ADAMTS6: variants seen among roughly 807,000 people sequenced by gnomAD.
ADAMTS6 encodes the protein ADAM metallopeptidase with thrombospondin type 1 motif 6.
ADAMTS6 carries 23 observed loss-of-function variants against 144.3 expected under a neutral mutation model. That is an observed-to-expected ratio of 0.16 (90% CI 0.11 to 0.23). The LOEUF (loss-of-function observed/expected upper bound fraction) is 0.23, where lower values mean the gene tolerates loss of function less well. Ranked by LOEUF, ADAMTS6 falls within the 10% of genes least tolerant of loss-of-function variation. The probability of loss-of-function intolerance (pLI) is 1.00; values close to 1 mark genes in which losing one functional copy is unlikely to be tolerated. For synonymous variants in ADAMTS6, 444 were observed against 457.5 expected (o/e 0.97, Z 0.38); for missense variants, 999 against 1,379.6 (o/e 0.72, Z 4.37).
chr5:65,188,343 A>T (rs1754799019), intron 21 of ADAMTS6, 123 bp from the exon 22 acceptor site: 2 of 889,684 alleles, frequency 2.2e-6, no homozygotes, highest in African/African-American at 3.3e-5. Context: ...GGTTAATAAG[A>T]CAAATGGCAA....
intron 7 of ADAMTS6, among the ~76,000 whole-genome samples, chr5:65,386,785 C>G (rs1752507954): frequency 1.3e-5 from 2 of 152,138 alleles, no homozygotes; most frequent in South Asian, 4.1e-4. Flanking sequence ...CAGGGTTTCA[C>G]CATGTTGGCC....
intron 7 of ADAMTS6, among the ~76,000 whole-genome samples, chr5:65,367,850 A>C (rs1300355573): frequency 1.3e-5 from 2 of 151,918 alleles, no homozygotes; most frequent in Admixed American, 1.3e-4. Context: ...CTACATATAT[A>C]TATATCTATA....
chr5:65,444,941 T>TA (rs1758150769), intron 7 of ADAMTS6, among the ~76,000 whole-genome samples: 1 of 152,192 alleles, frequency 6.6e-6, no homozygotes, highest in African/African-American at 2.4e-5. Flanking sequence ...CAGCAGTCCT[T>TA]ATCTCATGCA....
chr5:65,315,564 G>A (rs966834244), intron 9 of ADAMTS6, among the ~76,000 whole-genome samples: 9 of 151,930 alleles, frequency 5.9e-5, no homozygotes, highest in Non-Finnish European at 1.0e-4. Flanking sequence ...TCAGAGTGGC[G>A]AAAAATATAA....
intron 7 of ADAMTS6, among the ~76,000 whole-genome samples, chr5:65,354,600 A>T (rs754658782): frequency 4.0e-5 from 6 of 151,850 alleles, no homozygotes; most frequent in Non-Finnish European, 8.9e-5. Flanking sequence ...TTGAATTGAT[A>T]TTTGATAATA....
intron 22 of ADAMTS6, among the ~76,000 whole-genome samples, chr5:65,177,809 C>G (rs1158883472): frequency 6.6e-6 from 1 of 152,184 alleles, no homozygotes; most frequent in African/African-American, 2.4e-5. Flanking sequence ...CATGGCAGGC[C>G]AGAGGCCCAG....
In ADAMTS6 at chr5:65,262,876, C is replaced by T; in HGVS notation, c.1707G>A (p.Glu569=). The part of the protein sequence containing the change: ...GGWGPWSLWG[E]CSRTCGGGVS... Reference sequence around the variant, plus strand: ...CGCCTCCCCCGCAGGTCCTGCTGCACTCTCCCCATAGTGACCAGGGACCCC... The same window carrying T: ...CGCCTCCCCCGCAGGTCCTGCTGCATTCTCCCCATAGTGACCAGGGACCCC... The change falls in exon 13 of 25, where the codon GAG becomes GAA. Residue 569 remains glutamate, a synonymous_variant. Transcript: ENST00000381055. The T allele has an allele frequency of 2.5e-6, 4 of 1,608,458 alleles. No individual in the cohort carries two copies. The highest frequency in any genetic ancestry group is 3.4e-6 in the Non-Finnish European group (4 of 1,177,458).
rs1758974828 is a variant in ADAMTS6, at chr5:65,454,017, T to G, written c.632-1099A>C. ...TAAGAGGTGATTAAAACTTGAAGTC[T>G]CCACCCTCATGAAGGAATGAAAACC... On this transcript the variant is annotated intron_variant, in intron 4 of 24. Coordinates refer to ENST00000381055, the MANE Select transcript of ADAMTS6 (RefSeq NM_197941.4). 1.3e-5 allele frequency among the ~76,000 whole-genome samples: 2 copies of G among 152,202 alleles called. 1 individual carries two copies. Among genetic ancestry groups the G allele is most frequent in the South Asian group, 4.1e-4 (2 of 4,828 alleles).
At chr5:65,463,077 TAAA>T (rs57197551) in intron 3 of ADAMTS6, among the ~76,000 whole-genome samples, 8 of 123,934 alleles carry the variant, frequency 6.5e-5, no homozygotes, top group Non-Finnish European at 8.6e-5. Flanking sequence ...AGACTCCGTC[TAAA>T]AAAAAAAAAA....
chr5:65,311,787 G>C (rs10514979), intron 9 of ADAMTS6, among the ~76,000 whole-genome samples: 17,878 of 152,030 alleles, frequency 0.12, 1,111 homozygotes, highest in African/African-American at 0.16. Context: ...AGCCTACTGA[G>C]TGTAAATTTA....
chr5:65,301,719 T>C (rs963427956), intron 9 of ADAMTS6, among the ~76,000 whole-genome samples: 2 of 152,016 alleles, frequency 1.3e-5, no homozygotes, highest in African/African-American at 4.8e-5. Context: ...GAATTAGATT[T>C]GAGACATGCT....
intron 24 of ADAMTS6, among the ~76,000 whole-genome samples, chr5:65,154,448 G>A (rs927616380): frequency 2.0e-5 from 3 of 152,132 alleles, no homozygotes; most frequent in Non-Finnish European, 4.4e-5. Context: ...CAGGAAGTCC[G>A]TAGGTTCTGG....
chr5:65,334,160 T>C, intron 7 of ADAMTS6, 75 bp from the exon 8 acceptor site: 2 of 1,426,158 alleles, frequency 1.4e-6, no homozygotes, highest in Non-Finnish European at 1.9e-6. Context: ...ATCATACTTC[T>C]CTCCTGAAGT....
In ADAMTS6 at chr5:65,452,803, T is replaced by C. The variant is rs1409747522; in HGVS notation, c.747A>G (p.Glu249=). The C allele has an allele frequency of 6.2e-7, 1 of 1,614,130 alleles. No homozygotes were observed. The highest frequency in any genetic ancestry group is 1.1e-5 in the South Asian group (1 of 91,086). Reference sequence around the variant, plus strand: ...CCACTACCAATGTCTCCACAAACCGTTCAATGCTCACTGATCTCTTCTGTC... The same window carrying C: ...CCACTACCAATGTCTCCACAAACCGCTCAATGCTCACTGATCTCTTCTGTC... ...HHRQKRSVSI[E]RFVETLVVAD... is the part of the protein sequence containing the mutation. The change falls in exon 5 of 25, where the codon GAA becomes GAG. Residue 249 remains glutamate, a synonymous_variant. Transcript: ENST00000381055.
intron 7 of ADAMTS6, among the ~76,000 whole-genome samples, chr5:65,419,842 A>C (rs945661195): frequency 2.0e-5 from 3 of 152,216 alleles, no homozygotes; most frequent in African/African-American, 7.2e-5. Flanking sequence ...GAGAGAATGG[A>C]GAATGACAAC....
intron 12 of ADAMTS6, among the ~76,000 whole-genome samples, chr5:65,267,292 T>C (rs575544212): frequency 6.6e-6 from 1 of 152,222 alleles, no homozygotes; most frequent in Admixed American, 6.5e-5. Flanking sequence ...CTATTCTAAA[T>C]AACAGTCATG....
At chr5:65,194,132 C>T (rs1267247759) in intron 21 of ADAMTS6, among the ~76,000 whole-genome samples, 1 of 152,128 alleles carries the variant, frequency 6.6e-6, no homozygotes, top group African/African-American at 2.4e-5. Context: ...ATTCAGTAGC[C>T]TTTCTATGAT....
intron 14 of ADAMTS6, among the ~76,000 whole-genome samples, chr5:65,246,996 A>G (rs1255531117): frequency 1.3e-5 from 2 of 152,168 alleles, no homozygotes; most frequent in African/African-American, 4.8e-5. Flanking sequence ...AAATTACTTA[A>G]GGATAATAAA....
At chr5:65,339,615 C>G (rs1218615501) in intron 7 of ADAMTS6, among the ~76,000 whole-genome samples, 1 of 150,844 alleles carries the variant, frequency 6.6e-6, no homozygotes, top group African/African-American at 2.4e-5. Flanking sequence ...GAAATCAGAA[C>G]AATTAACGAT....
Sources: allele counts gnomAD v4.1 joint callset (sites outside exome capture counted in the v4.1 genomes callset), GRCh38; gene constraint gnomAD v4.1.1; transcripts MANE v1.5; gene names NCBI Gene and HGNC (gene_info 2026-07-23, HGNC 2026-07-21).